The following TRIO variants were observed in gnomAD, a reference collection of about 807,000 sequenced individuals.
TRIO encodes the protein triple functional domain protein.
A neutral mutation model predicts 351.9 loss-of-function variants in TRIO; 58 were observed. The ratio of observed to expected loss-of-function variants is 0.16; its 90% CI spans 0.13 to 0.21. The LOEUF (loss-of-function observed/expected upper bound fraction) is 0.21, where lower values mean the gene tolerates loss of function less well. Ranked by LOEUF, TRIO falls within the 10% of genes least tolerant of loss-of-function variation. The pLI is 1.00. For missense variants in TRIO, 3,201 were observed against 4,027.8 expected (o/e 0.79, Z 5.56); for synonymous variants, 1,758 against 1,595.7 (o/e 1.10, Z -2.42).
chr5:14,206,183 C>A (rs982821789), intron 1 of TRIO, among the ~76,000 whole-genome samples: 1 of 152,210 alleles, frequency 6.6e-6, no homozygotes, highest in Non-Finnish European at 1.5e-5. Flanking sequence ...ACCTCAGCCT[C>A]CTGTGTATCT....
At chr5:14,460,973 AG>A (rs1753741430) in intron 34 of TRIO, 45 bp from the exon 35 acceptor site, 18 of 1,475,016 alleles carry the variant, frequency 1.2e-5, no homozygotes, top group Non-Finnish European at 1.4e-5. Context: ...TTCACACCGG[AG>A]GGTCTGTGCG....
At chr5:14,461,643 C>G (rs1429311251) in intron 35 of TRIO, among the ~76,000 whole-genome samples, 1 of 152,248 alleles carries the variant, frequency 6.6e-6, no homozygotes, top group Non-Finnish European at 1.5e-5. Flanking sequence ...CTCTCCTCCC[C>G]ACTCCACCAT....
At chr5:14,237,364 T>A (rs1436212847) in intron 1 of TRIO, among the ~76,000 whole-genome samples, 1 of 152,210 alleles carries the variant, frequency 6.6e-6, no homozygotes, top group East Asian at 1.9e-4. Flanking sequence ...TTGGTGTTAA[T>A]GCGATTGTCA....
chr5:14,181,783 A>G (rs563495710), intron 1 of TRIO, among the ~76,000 whole-genome samples: 1 of 152,320 alleles, frequency 6.6e-6, no homozygotes, highest in African/African-American at 2.4e-5. Flanking sequence ...TGGCAGGAGA[A>G]AGAAGAGAAA....
At chr5:14,384,867 C>T (rs565048607) in intron 21 of TRIO, among the ~76,000 whole-genome samples, 1 of 138,064 alleles carries the variant, frequency 7.2e-6, no homozygotes, top group East Asian at 2.0e-4. Flanking sequence ...ATAGGCAGCT[C>T]ATATCACAAA....
rs1031769481 is a variant in TRIO at position 14,148,331 on chromosome 5, G to C, written c.157+4449G>C. On this transcript the variant is annotated intron_variant, in intron 1 of 56. Transcript: ENST00000344204. ...AGTTGAGATTTGTTCTGAACTGCAG[G>C]TGAAAGATGTGTTTGAAGCTGTCAT... Among the ~76,000 whole-genome samples, 3 of 152,158 alleles carry C rather than the reference G, an allele frequency of 2.0e-5. No homozygotes were observed. In the East Asian group the frequency reaches 5.8e-4, roughly 29 times the overall value.
At position 14,508,593 on chromosome 5, in the gene TRIO, G is replaced by A. The variant is rs946050111; in HGVS notation, c.*171G>A. On this transcript the variant is annotated 3_prime_UTR_variant, in exon 57 of 57. Coordinates refer to ENST00000344204, the MANE Select transcript of TRIO (RefSeq NM_007118.4). ...GTGCTTGGACACAGAGCTGCAAGCT[G>A]CGCTGGGGTGGAGGACCGTCACTTA... The A allele has an allele frequency of 2.0e-5, 16 of 810,316 alleles. No individual in the cohort carries two copies. In the African/African-American group the frequency reaches 2.8e-4, roughly 14 times the overall value. 50.2% of individuals were successfully genotyped at this position (810,316 alleles called of 1,614,324 possible).
At chr5:14,144,743 C>T (rs906871251) in intron 1 of TRIO, among the ~76,000 whole-genome samples, 4 of 151,962 alleles carry the variant, frequency 2.6e-5, no homozygotes, top group Non-Finnish European at 4.4e-5. Context: ...GGGTTTGCTG[C>T]GCAGGGGGCG....
At chr5:14,285,147 TA>T (rs1330618689) in intron 3 of TRIO, among the ~76,000 whole-genome samples, 18 of 152,238 alleles carry the variant, frequency 1.2e-4, no homozygotes, top group Admixed American at 2.0e-4. Flanking sequence ...ACCCGGATTG[TA>T]ACCCACGACC....
At chr5:14,472,519 G>T in intron 38 of TRIO, 73 bp from the exon 39 acceptor site, 3 of 1,525,384 alleles carry the variant, frequency 2.0e-6, no homozygotes, top group South Asian at 1.1e-5. Context: ...AGTCCATCTT[G>T]ACCAGGAGCA....
At chr5:14,319,160 A>T in intron 9 of TRIO, among the ~76,000 whole-genome samples, 1 of 152,244 alleles carries the variant, frequency 6.6e-6, no homozygotes, top group Non-Finnish European at 1.5e-5. Context: ...ATTGGCTTGG[A>T]TGTCAGCAGG....
chr5:14,378,483 C>T (rs1745763639), intron 20 of TRIO, among the ~76,000 whole-genome samples: 1 of 151,600 alleles, frequency 6.6e-6, no homozygotes, highest in African/African-American at 2.4e-5. Context: ...TTTATATTTT[C>T]AAGACAAAGT....
At chr5:14,503,354 GTC>G (rs1757426276) in intron 54 of TRIO, among the ~76,000 whole-genome samples, 1 of 152,234 alleles carries the variant, frequency 6.6e-6, no homozygotes, top group African/African-American at 2.4e-5. Flanking sequence ...TCCTGTTGCT[GTC>G]TCTGTCAGCT....
intron 2 of TRIO, among the ~76,000 whole-genome samples, chr5:14,277,436 A>G (rs2152274413): frequency 6.6e-6 from 1 of 152,362 alleles, no homozygotes; most frequent in South Asian, 2.1e-4. Flanking sequence ...TTCCATACAT[A>G]GACATCCTGT....
intron 20 of TRIO, among the ~76,000 whole-genome samples, chr5:14,380,140 C>T (rs1384695953): frequency 3.9e-5 from 6 of 152,210 alleles, no homozygotes; most frequent in African/African-American, 1.4e-4. Context: ...ACATCCTTGA[C>T]ATCACTCCAC....
chr5:14,156,624 T>G (rs1296843390), intron 1 of TRIO, among the ~76,000 whole-genome samples: 1 of 152,174 alleles, frequency 6.6e-6, no homozygotes, highest in Non-Finnish European at 1.5e-5. Context: ...ACCTGGCTCC[T>G]TTTATCCTCC....
intron 1 of TRIO, among the ~76,000 whole-genome samples, chr5:14,179,558 G>C (rs757719140): frequency 4.0e-5 from 6 of 151,052 alleles, no homozygotes; most frequent in Non-Finnish European, 5.9e-5. Context: ...CTCCGCTGAA[G>C]TGATCCTCCT....
chr5:14,278,647 C>T (rs554751079), intron 2 of TRIO, among the ~76,000 whole-genome samples: 12 of 151,980 alleles, frequency 7.9e-5, no homozygotes, highest in Non-Finnish European at 1.5e-4. Flanking sequence ...TATTGGGAAA[C>T]GAAAAATATT....
chr5:14,260,867 A>G (rs1405850820), intron 1 of TRIO, among the ~76,000 whole-genome samples: 1 of 152,242 alleles, frequency 6.6e-6, no homozygotes, highest in Non-Finnish European at 1.5e-5. Flanking sequence ...GCTTGTTCAG[A>G]CACTCAGCTT....
Sources: gnomAD v4.1 joint callset for allele counts (sites outside exome capture counted in the v4.1 genomes callset) on GRCh38, gnomAD v4.1.1 for gene constraint, MANE v1.5 for transcripts, NCBI Gene and HGNC (gene_info 2026-07-23, HGNC 2026-07-21) for gene names.